Variants in RPTOR observed in about 807,000 individuals in gnomAD.
RPTOR encodes the protein regulatory-associated protein of mTOR.
A neutral mutation model predicts 169.9 loss-of-function variants in RPTOR; 21 were observed. The ratio of observed to expected loss-of-function variants is 0.12; its 90% CI spans 0.09 to 0.18. The LOEUF (loss-of-function observed/expected upper bound fraction) is 0.18. Among genes scored for constraint, RPTOR ranks in the 10% least tolerant of loss-of-function variants. The probability of loss-of-function intolerance (pLI) is 1.00; values close to 1 mark genes in which losing one functional copy is unlikely to be tolerated. For missense variants in RPTOR, 1,133 were observed against 1,855.9 expected (o/e 0.61, Z 7.16); for synonymous variants, 732 against 753.2 (o/e 0.97, Z 0.46).
chr17:80,916,351 C>A lies in RPTOR; in HGVS notation c.2521-6373C>A, dbSNP rs1296516005. Among the ~76,000 whole-genome samples the A allele has an allele frequency of 2.6e-5, 4 of 152,252 alleles. No homozygotes were observed. In the South Asian group the frequency reaches 6.2e-4, roughly 24 times the overall value. ...AGATGTTGAAGCTGCTTGTAGTACACCTGGCCCAGCCACAGCCTTGCAGGG... is the reference window on the plus strand; with the variant it reads ...AGATGTTGAAGCTGCTTGTAGTACAACTGGCCCAGCCACAGCCTTGCAGGG... On this transcript the variant is annotated intron_variant, in intron 21 of 33. Coordinates refer to ENST00000306801, the MANE Select transcript of RPTOR (RefSeq NM_020761.3).
chr17:80,601,188 G>C (rs1192974764), intron 1 of RPTOR, among the ~76,000 whole-genome samples: 1 of 84,030 alleles, frequency 1.2e-5, no homozygotes, highest in Non-Finnish European at 2.5e-5. Context: ...TGTGTGAGTG[G>C]TGAAGCTTCT....
chr17:80,822,412 A>G, intron 8 of RPTOR, 111 bp downstream of exon 8: 1 of 1,067,176 alleles, frequency 9.4e-7, no homozygotes, highest in Non-Finnish European at 1.4e-6. Flanking sequence ...CTCCCTAGTG[A>G]GGAAGACAGT....
Position 80,962,532 on chromosome 17 carries a change from G to A in RPTOR, c.3764G>A (p.Gly1255Glu). ...GTAAATGTGCTTCAGATCGTGAAGG[G>A]GCTGACGGCCCTGGACATCCACCCC... ...ESVNVLQIVK[G>E]LTALDIHPQA... The change falls in exon 32 of 34, where the codon GGG becomes GAG. Residue 1255 changes from glycine (G) to glutamate (E), a missense_variant. Physicochemically the swap from Gly to Glu is moderately conservative, Grantham distance 98. Coordinates refer to ENST00000306801, the MANE Select transcript of RPTOR (RefSeq NM_020761.3). The A allele has an allele frequency of 6.2e-7, 1 of 1,613,842 alleles. No homozygotes were observed.
intron 28 of RPTOR, among the ~76,000 whole-genome samples, chr17:80,950,537 C>T (rs1035582507): frequency 6.6e-5 from 10 of 151,880 alleles, no homozygotes; most frequent in Admixed American, 6.5e-4. Context: ...TCTTAAGTTT[C>T]ATCCAGCAAA....
intron 4 of RPTOR, among the ~76,000 whole-genome samples, chr17:80,710,463 T>C (rs1261509679): frequency 6.6e-6 from 1 of 152,164 alleles, no homozygotes; most frequent in Non-Finnish European, 1.5e-5. Context: ...CCAGGCTTTT[T>C]GTAAAACAAA....
In RPTOR at chr17:80,878,567, C is replaced by T. The variant is rs1206593381; in HGVS notation, c.1510-1848C>T. Among the ~76,000 whole-genome samples, 3 of 152,122 alleles carry T rather than the reference C, an allele frequency of 2.0e-5. No individual in the cohort carries two copies. Among genetic ancestry groups the T allele is most frequent in the East Asian group, 1.9e-4 (1 of 5,162 alleles). On this transcript the variant is annotated intron_variant, in intron 13 of 33. Coordinates refer to ENST00000306801, the MANE Select transcript of RPTOR (RefSeq NM_020761.3). This position sits in a 1 kb window ranked among gnomAD's most constrained non-coding sequence, Gnocchi z 4.1. ...TTCACCATATTGGCCAGGCTGGTCT[C>T]GAACTCCTGACCTTGTGACCCGCCT...
At position 80,957,160 on chromosome 17, in the gene RPTOR, C is replaced by T. The variant is rs1221503153; in HGVS notation, c.3371-464C>T. On this transcript the variant is annotated intron_variant, in intron 28 of 33. Coordinates refer to ENST00000306801, the MANE Select transcript of RPTOR (RefSeq NM_020761.3). The surrounding 1 kb of genome is among the most constrained non-coding windows in gnomAD (Gnocchi z 4.6). ...GGAGTTCCAGCTTAGAATTGTCACC[C>T]CGGCCTGGACTTGGGAGTTCCAGCT... Among the ~76,000 whole-genome samples, 3 of 70,650 alleles carry T rather than the reference C, an allele frequency of 4.2e-5. No individual in the cohort carries two copies. Among genetic ancestry groups the T allele is most frequent in the Admixed American group, 2.7e-4 (2 of 7,522 alleles). The allele number at this position is 70,650 out of a possible 152,430, so 46.3% of individuals were successfully genotyped here. A position where few individuals can be genotyped will look rare whatever the true frequency, so the allele number is the denominator to read the frequency against.
intron 14 of RPTOR, 62 bp from the exon 15 acceptor site, chr17:80,883,357 G>C: frequency 7.1e-7 from 1 of 1,416,554 alleles, no homozygotes; most frequent in Non-Finnish European, 1.0e-6. Context: ...TCACGCTGTT[G>C]TACTTTGGGA....
intron 27 of RPTOR, 68 bp from the exon 28 acceptor site, chr17:80,949,375 C>A: frequency 7.6e-7 from 1 of 1,321,164 alleles, no homozygotes; most frequent in Admixed American, 1.7e-5. Flanking sequence ...GCTCTTACCA[C>A]CACGCACAGA....
chr17:80,666,379 A>T (rs2065779616), intron 3 of RPTOR, among the ~76,000 whole-genome samples: 2 of 152,168 alleles, frequency 1.3e-5, no homozygotes, highest in South Asian at 4.1e-4. Context: ...AAGTGCTAGG[A>T]CAAGCTACCG....
chr17:80,813,164 G>C (rs2079028737), intron 7 of RPTOR, among the ~76,000 whole-genome samples: 1 of 152,174 alleles, frequency 6.6e-6, no homozygotes, highest in Admixed American at 6.5e-5. Flanking sequence ...ATCACTCAAA[G>C]TCTGTAAATG....
chr17:80,877,972 G>A (rs1203753530), intron 13 of RPTOR, among the ~76,000 whole-genome samples: 2 of 152,180 alleles, frequency 1.3e-5, no homozygotes, highest in African/African-American at 4.8e-5. Context: ...CGGGGTTAGG[G>A]GCTTCTGGGC....
intron 1 of RPTOR, among the ~76,000 whole-genome samples, chr17:80,555,721 A>G (rs114411132): frequency 0.019 from 2,933 of 152,354 alleles, 108 homozygotes; most frequent in African/African-American, 0.067. Flanking sequence ...GCATTTATGA[A>G]AGAAATCATC....
rs1302751225 is a variant in RPTOR at position 80,659,173 on chromosome 17, C to T, written c.348+15363C>T. Among the ~76,000 whole-genome samples, 3 of 152,174 alleles carry T rather than the reference C, an allele frequency of 2.0e-5. No homozygotes were observed. The highest frequency in any genetic ancestry group is 7.2e-5 in the African/African-American group (3 of 41,448). On this transcript the variant is annotated intron_variant, in intron 3 of 33. Coordinates refer to ENST00000306801, the MANE Select transcript of RPTOR (RefSeq NM_020761.3). The surrounding 1 kb of genome is among the most constrained non-coding windows in gnomAD (Gnocchi z 4.3). The stretch of plus-strand genomic sequence containing the variant: ...CCATGAGTGGTCCCCGAGAGATTGC[C>T]TCCGAGCGCTGTTAGGAGAGGGAAG...
At chr17:80,843,030 T>G (rs928516914) in intron 10 of RPTOR, among the ~76,000 whole-genome samples, 2 of 152,252 alleles carry the variant, frequency 1.3e-5, no homozygotes, top group Non-Finnish European at 1.5e-5. Context: ...GCTGGTAGAC[T>G]AAGTCCCACA....
At chr17:80,800,111 C>T (rs900779646) in intron 7 of RPTOR, among the ~76,000 whole-genome samples, 1 of 152,204 alleles carries the variant, frequency 6.6e-6, no homozygotes, top group Admixed American at 6.5e-5. Context: ...GAGTGTGGCA[C>T]AGCACCACTT....
chr17:80,865,636 A>G (rs1317085001), intron 13 of RPTOR, among the ~76,000 whole-genome samples: 5 of 152,146 alleles, frequency 3.3e-5, no homozygotes, highest in Non-Finnish European at 7.4e-5. Flanking sequence ...TCACCTAATA[A>G]TAGAGTTTCA....
chr17:80,760,076 G>A (rs1341248277), intron 6 of RPTOR, among the ~76,000 whole-genome samples: 5 of 152,050 alleles, frequency 3.3e-5, no homozygotes, highest in Admixed American at 2.0e-4. Context: ...TTATTTAGCC[G>A]GAGCGTAGGG....
chr17:80,663,509 T>C (rs2065740374), intron 3 of RPTOR, among the ~76,000 whole-genome samples: 1 of 152,130 alleles, frequency 6.6e-6, no homozygotes, highest in Non-Finnish European at 1.5e-5. Flanking sequence ...AGGTATTTGG[T>C]TGTCTTTGAA....
Sources: allele counts gnomAD v4.1 joint callset (sites outside exome capture counted in the v4.1 genomes callset), GRCh38; gene constraint gnomAD v4.1.1; non-coding constraint Gnocchi (gnomAD v3.1); transcripts MANE v1.5; gene names NCBI Gene and HGNC (gene_info 2026-07-23, HGNC 2026-07-21).